The following MTA3 variants were observed in gnomAD, a reference collection of about 807,000 sequenced individuals.
MTA3 encodes metastasis-associated protein MTA3.
Under a neutral mutation model 83.5 loss-of-function variants are expected in MTA3, and 34 were observed. The observed-to-expected ratio is 0.41, with a 90% CI of 0.31 to 0.54. The LOEUF is 0.54. MTA3 is among the 20% of genes least tolerant of loss of function. MTA3 has a pLI of 0.33. For synonymous variants in MTA3, 303 were observed against 252.7 expected (o/e 1.20, Z -1.89); for missense variants, 761 against 726.4 (o/e 1.05, Z -0.55).
In MTA3 at chr2:42,537,776, T is replaced by C. The variant is rs567304020; in HGVS notation, c.-140-32661T>C. Among the ~76,000 whole-genome samples the C allele has an allele frequency of 4.3e-4, 66 of 152,278 alleles. 1 individual carries two copies. The highest frequency in any genetic ancestry group is 1.5e-3 in the African/African-American group (64 of 41,580). On this transcript the variant is annotated intron_variant, in intron 2 of 17. Transcript: ENST00000405592. ...GAGCATTTTAATGGGGGCTATATGTTGGATGAAACTATGGAATGTTGAAAT... is the reference window on the plus strand; with the variant it reads ...GAGCATTTTAATGGGGGCTATATGTCGGATGAAACTATGGAATGTTGAAAT...
At chr2:42,741,975 A>G (rs1258161040) in intron 16 of MTA3, among the ~76,000 whole-genome samples, 1 of 152,224 alleles carries the variant, frequency 6.6e-6, no homozygotes, top group African/African-American at 2.4e-5. Flanking sequence ...CAGTATCTGT[A>G]AAGCTCAACA....
intron 12 of MTA3, 150 bp from the exon 13 acceptor site, chr2:42,707,753 C>T (rs1011160440): frequency 6.1e-6 from 5 of 824,028 alleles, no homozygotes; most frequent in Non-Finnish European, 8.8e-6. Context: ...ATTAAAAAAA[C>T]AAATATACTA....
At chr2:42,499,487 C>A (rs906541722) in intron 2 of MTA3, among the ~76,000 whole-genome samples, 1 of 149,406 alleles carries the variant, frequency 6.7e-6, no homozygotes, top group Non-Finnish European at 1.5e-5. Context: ...TATAGGTGTT[C>A]TTATCATTTC....
intron 2 of MTA3, among the ~76,000 whole-genome samples, chr2:42,525,149 G>A (rs1675628941): frequency 6.7e-6 from 1 of 149,200 alleles, no homozygotes; most frequent in South Asian, 2.1e-4. Flanking sequence ...GATGTGGTAG[G>A]TACAGCAAGT....
chr2:42,627,251 C>CT (rs1251688764), intron 4 of MTA3, among the ~76,000 whole-genome samples: 1 of 151,696 alleles, frequency 6.6e-6, no homozygotes, highest in Admixed American at 6.6e-5. Flanking sequence ...CTAACTTAAA[C>CT]TTTTTTTTGT....
At chr2:42,507,930 C>G (rs11903191) in intron 2 of MTA3, among the ~76,000 whole-genome samples, 60,506 of 147,940 alleles carry the variant, frequency 0.41, 13,003 homozygotes, top group African/African-American at 0.56. Context: ...TGAGCAACGG[C>G]GTGAGTCTGT....
Position 42,629,078 on chromosome 2 carries a change from A to AAT in MTA3, c.318-11082_318-11081dup, listed in dbSNP as rs1415942561. On this transcript the variant is annotated intron_variant, in intron 4 of 16. Transcript: ENST00000405094. ...ATCCAAAAGCAGTGGATGATAGAGCAATATATATATATATTTTTTGAGACG... is the reference window on the plus strand; with the variant it reads ...ATCCAAAAGCAGTGGATGATAGAGCAATATATATATATATATTTTTTGAGACG... Among the ~76,000 whole-genome samples the AAT allele has an allele frequency of 5.1e-3, 772 of 151,562 alleles. 9 individuals are homozygous for AAT. Among genetic ancestry groups the AAT allele is most frequent in the African/African-American group, 0.018 (728 of 41,350 alleles).
At chr2:42,621,388 C>T (rs919900507) in intron 4 of MTA3, among the ~76,000 whole-genome samples, 3 of 152,160 alleles carry the variant, frequency 2.0e-5, no homozygotes, top group African/African-American at 7.2e-5. Context: ...CTTGCACCGC[C>T]ATTAATCCAT....
intron 9 of MTA3, among the ~76,000 whole-genome samples, chr2:42,684,032 A>G (rs1692166897): frequency 6.6e-6 from 1 of 152,208 alleles, no homozygotes; most frequent in African/African-American, 2.4e-5. Flanking sequence ...ACATTGTGAA[A>G]TGATTACCAC....
chr2:42,579,811 A>C (rs188112695), intron 3 of MTA3, among the ~76,000 whole-genome samples: 3 of 151,680 alleles, frequency 2.0e-5, no homozygotes, highest in African/African-American at 7.3e-5. Context: ...TGGCCTCTCA[A>C]AGAGCTAGGA....
At chr2:42,513,547 A>G (rs1310444433) in intron 2 of MTA3, among the ~76,000 whole-genome samples, 1 of 152,214 alleles carries the variant, frequency 6.6e-6, no homozygotes, top group Non-Finnish European at 1.5e-5. Context: ...ATCTAAACCT[A>G]GCGAGAGACC....
chr2:42,697,917 A>G, intron 11 of MTA3, 83 bp downstream of exon 11: 1 of 1,026,168 alleles, frequency 9.7e-7, no homozygotes, highest in African/African-American at 1.7e-5. Context: ...CAGTTTCAGC[A>G]AAATTTGAAC....
At chr2:42,649,700 C>T (rs1688531135) in intron 6 of MTA3, among the ~76,000 whole-genome samples, 1 of 152,154 alleles carries the variant, frequency 6.6e-6, no homozygotes, top group Non-Finnish European at 1.5e-5. Flanking sequence ...ATTTTGTGGT[C>T]TGAAAATCTG....
At chr2:42,589,916 G>A (rs1199817609) in intron 3 of MTA3, among the ~76,000 whole-genome samples, 1 of 152,168 alleles carries the variant, frequency 6.6e-6, no homozygotes, top group Non-Finnish European at 1.5e-5. Context: ...TTTCACCCAA[G>A]TTCTGCAGTA....
chr2:42,707,285 C>G (rs1310353302), intron 12 of MTA3, among the ~76,000 whole-genome samples: 1 of 151,928 alleles, frequency 6.6e-6, no homozygotes, highest in Non-Finnish European at 1.5e-5. Flanking sequence ...ACTCTGTCGC[C>G]CAGGCTGGAG....
intron 2 of MTA3, among the ~76,000 whole-genome samples, chr2:42,507,661 GC>G (rs1255594016): frequency 2.0e-5 from 3 of 151,418 alleles, no homozygotes; most frequent in Non-Finnish European, 4.4e-5. Flanking sequence ...AGGTGCCGTG[GC>G]TCACACCTGT....
intron 14 of MTA3, among the ~76,000 whole-genome samples, chr2:42,710,221 C>T (rs1454450486): frequency 6.6e-6 from 1 of 152,094 alleles, no homozygotes; most frequent in African/African-American, 2.4e-5. Flanking sequence ...GGCTTTAAAA[C>T]TTAAGTAGCA....
chr2:42,554,438 C>G (rs780327433), intron 2 of MTA3, among the ~76,000 whole-genome samples: 3 of 152,086 alleles, frequency 2.0e-5, no homozygotes, highest in African/African-American at 7.2e-5. Flanking sequence ...CTTTTCTTTC[C>G]TAAATTCTGA....
chr2:42,691,083 G>C (rs949626559), intron 9 of MTA3, among the ~76,000 whole-genome samples: 1 of 151,710 alleles, frequency 6.6e-6, no homozygotes, highest in African/African-American at 2.4e-5. Context: ...CACTATGTTG[G>C]CCAGGCTGGT....
Sources: gnomAD v4.1 joint callset for allele counts (sites outside exome capture counted in the v4.1 genomes callset) on GRCh38, gnomAD v4.1.1 for gene constraint, MANE v1.5 for transcripts, NCBI Gene and HGNC (gene_info 2026-07-23, HGNC 2026-07-21) for gene names.